The following SLC2A5 variants were observed in gnomAD, a reference collection of about 807,000 sequenced individuals.
SLC2A5 encodes the protein solute carrier family 2, facilitated glucose transporter member 5.
In SLC2A5, 56 loss-of-function variants were observed where a neutral mutation model predicts 50.3. That is an observed-to-expected ratio of 1.11 (90% CI 0.90 to 1.39). The LOEUF (loss-of-function observed/expected upper bound fraction) is 1.39. Ranked by LOEUF, SLC2A5 falls within the 40% of genes most tolerant of loss-of-function variation. The pLI is 0.00. For synonymous variants in SLC2A5, 269 were observed against 281.9 expected (o/e 0.95, Z 0.46); for missense variants, 566 against 650.1 (o/e 0.87, Z 1.41).
At chr1:9,086,840 A>G (rs1334481481) in intron 1 of SLC2A5, among the ~76,000 whole-genome samples, 2 of 152,156 alleles carry the variant, frequency 1.3e-5, no homozygotes, top group Admixed American at 6.5e-5. Flanking sequence ...AAACACCACC[A>G]TCCTAAGTTC....
chr1:9,060,772 C>T (rs189422005), intron 1 of SLC2A5, among the ~76,000 whole-genome samples: 42 of 151,770 alleles, frequency 2.8e-4, no homozygotes, highest in Middle Eastern at 3.4e-3. Flanking sequence ...CCATCTGATT[C>T]GCTCTGTGTA....
chr1:9,077,298 C>T (rs1442568054), intron 2 of SLC2A5, among the ~76,000 whole-genome samples: 1 of 150,528 alleles, frequency 6.6e-6, no homozygotes, highest in African/African-American at 2.4e-5. Flanking sequence ...ACTTGGGAGG[C>T]TAGAGTGGAA....
chr1:9,061,132 A>T (rs1483878361), intron 1 of SLC2A5, among the ~76,000 whole-genome samples: 4 of 151,424 alleles, frequency 2.6e-5, no homozygotes, highest in Admixed American at 2.6e-4. Context: ...TAAAAATTCA[A>T]AAATTTGCTG....
upstream of SLC2A5, among the ~76,000 whole-genome samples, chr1:9,070,072 G>GTTTTTTTTTTTTTTTTTTT (rs56828280): frequency 1.6e-5 from 1 of 62,544 alleles, no homozygotes; most frequent in African/African-American, 8.8e-5. Context: ...CTCATTTTCT[G>GTTTTTTTTTTTTTTTTTTT]TTTTTTTTTT....
intron 5 of SLC2A5, chr1:9,041,457 G>A (rs1165387551): frequency 3.2e-5 from 42 of 1,303,684 alleles, no homozygotes; most frequent in Non-Finnish European, 3.4e-5. Flanking sequence ...CAAGCACAGA[G>A]CCTGGCACAC....
chr1:9,091,742 G>A (rs528801804), upstream of SLC2A5, among the ~76,000 whole-genome samples: 16 of 151,988 alleles, frequency 1.1e-4, no homozygotes, highest in South Asian at 6.3e-4. Context: ...TCCCAGATTG[G>A]TTTATAGATG....
upstream of SLC2A5, among the ~76,000 whole-genome samples, chr1:9,072,650 T>C (rs1303938254): frequency 6.6e-6 from 1 of 152,000 alleles, no homozygotes; most frequent in Non-Finnish European, 1.5e-5. Context: ...GCGTTTCTGT[T>C]ACTGTTATAA....
At chr1:9,049,027 C>T (rs1569857755) in intron 3 of SLC2A5, 1 of 416,146 alleles carries the variant, frequency 2.4e-6, no homozygotes, top group South Asian at 1.7e-5. Flanking sequence ...GGAAATCTAC[C>T]TAAAACCTAT....
intron 3 of SLC2A5, among the ~76,000 whole-genome samples, chr1:9,051,047 C>T (rs1163548805): frequency 6.6e-6 from 1 of 151,954 alleles, no homozygotes; most frequent in Non-Finnish European, 1.5e-5. Context: ...GGTCAATTCA[C>T]AAAGAACAAG....
intron 3 of SLC2A5, among the ~76,000 whole-genome samples, chr1:9,056,790 A>G (rs1302532990): frequency 6.6e-6 from 1 of 152,182 alleles, no homozygotes; most frequent in Non-Finnish European, 1.5e-5. Flanking sequence ...GGCTGGTGTC[A>G]CAAGAGAGAT....
At chr1:9,049,011 G>A (rs1007805698) in intron 3 of SLC2A5, 1 of 390,680 alleles carries the variant, frequency 2.6e-6, no homozygotes, top group Non-Finnish European at 5.1e-6. Context: ...TCTTTAAGCT[G>A]ATAAAGGAAA....
Position 9,040,179 on chromosome 1 carries a change from G to A in SLC2A5, c.582C>T (p.Ile194=). ...CGGGGACCCCGGTCAGCCCCAGCAG[G>A]ATCGGCCAGCCTGGGAGGAAGGCAG... is the stretch of plus-strand genomic sequence containing the variant. The part of the protein sequence containing the change: ...NLLANVDGWP[I]LLGLTGVPAA... The change falls in exon 6 of 12, where the codon ATC becomes ATT. Residue 194 remains isoleucine (I), a synonymous_variant. Coordinates refer to ENST00000377424, the MANE Select transcript of SLC2A5 (RefSeq NM_003039.3). This position sits in a 1 kb window ranked among gnomAD's most constrained non-coding sequence, Gnocchi z 4.3. 6.4e-7 allele frequency: 1 copy of A among 1,550,546 alleles called. No individual in the cohort carries two copies. Among genetic ancestry groups the A allele is most frequent in the Non-Finnish European group, 8.7e-7 (1 of 1,148,256 alleles).
In SLC2A5 at chr1:9,082,146, C is replaced by T. The variant is rs369438661; in HGVS notation, c.-59+2868G>A. Reference sequence around the variant, plus strand: ...AGAAATTAGAACACTTGTACCTTGCCGATGGGAATGTAAAATGGTTCAGCT... The same window carrying T: ...AGAAATTAGAACACTTGTACCTTGCTGATGGGAATGTAAAATGGTTCAGCT... On this transcript the variant is annotated intron_variant, in intron 2 of 5. Coordinates refer to the SLC2A5 transcript ENST00000464985. Among the ~76,000 whole-genome samples the T allele has an allele frequency of 3.9e-5, 6 of 151,980 alleles. No homozygotes were observed. The South Asian group carries it at 6.2e-4, about 16-fold the overall frequency.
intron 3 of SLC2A5, among the ~76,000 whole-genome samples, chr1:9,054,781 G>C (rs115788112): frequency 1.2e-4 from 18 of 151,962 alleles, no homozygotes; most frequent in Non-Finnish European, 8.8e-5. Context: ...AAAATGAGCT[G>C]AGCACCATGG....
At chr1:9,067,002 AAAAG>A (rs1415815928) in intron 1 of SLC2A5, among the ~76,000 whole-genome samples, 1 of 151,712 alleles carries the variant, frequency 6.6e-6, no homozygotes, top group Non-Finnish European at 1.5e-5. Context: ...AAAAAAAGGA[AAAAG>A]AAAGAAAAAG....
chr1:9,055,274 T>C (rs1641719931), intron 3 of SLC2A5, among the ~76,000 whole-genome samples: 1 of 152,072 alleles, frequency 6.6e-6, no homozygotes, highest in Admixed American at 6.6e-5. Flanking sequence ...TCTCAGCACT[T>C]TGGGAGGCCA....
At chr1:9,071,161 G>A (rs1244417379), upstream of SLC2A5, among the ~76,000 whole-genome samples, 3 of 152,196 alleles carry the variant, frequency 2.0e-5, no homozygotes, top group Non-Finnish European at 2.9e-5. Context: ...TGTAATCCCA[G>A]CACCTGGGGA....
In SLC2A5 at chr1:9,035,417, G is replaced by C. The variant is rs1218485074; in HGVS notation, c.*2169C>G. 1 of 152,250 alleles carries C rather than the reference G, an allele frequency of 6.6e-6. No individual in the cohort carries two copies. Among genetic ancestry groups the C allele is most frequent in the Non-Finnish European group, 1.5e-5 (1 of 68,078 alleles). 9.4% of individuals were successfully genotyped at this position (152,250 alleles called of 1,614,324 possible). Reference sequence around the variant, plus strand: ...TCCTTGCTGCAGAAGGCCAAGGATGGTTCAACCACAGTGTTCTGTTTACTT... The same window carrying C: ...TCCTTGCTGCAGAAGGCCAAGGATGCTTCAACCACAGTGTTCTGTTTACTT... On this transcript the variant is annotated 3_prime_UTR_variant, in exon 12 of 12. Coordinates refer to ENST00000377424, the MANE Select transcript of SLC2A5 (RefSeq NM_003039.3).
At chr1:9,070,072 G>GTTTTTTT (rs56828280), upstream of SLC2A5, among the ~76,000 whole-genome samples, 9 of 62,514 alleles carry the variant, frequency 1.4e-4, no homozygotes, top group Non-Finnish European at 1.9e-4. Flanking sequence ...CTCATTTTCT[G>GTTTTTTT]TTTTTTTTTT....
Sources: allele counts gnomAD v4.1 joint callset (sites outside exome capture counted in the v4.1 genomes callset), GRCh38; gene constraint gnomAD v4.1.1; non-coding constraint Gnocchi (gnomAD v3.1); transcripts MANE v1.5; gene names NCBI Gene and HGNC (gene_info 2026-07-23, HGNC 2026-07-21).